PCDHGA9: variants seen among roughly 807,000 people sequenced by gnomAD.
PCDHGA9 encodes the protein protocadherin gamma subfamily A, 9, also known as protocadherin gamma-A9.
A neutral mutation model predicts 62.5 loss-of-function variants in PCDHGA9; 37 were observed. That is an observed-to-expected ratio of 0.59 (90% CI 0.46 to 0.78). The LOEUF (loss-of-function observed/expected upper bound fraction) is 0.78. PCDHGA9 is among the 30% of genes least tolerant of loss of function. PCDHGA9 has a pLI of 0.00. For synonymous variants in PCDHGA9, 459 were observed against 484.6 expected (o/e 0.95, Z 0.69); for missense variants, 1,138 against 1,166.2 (o/e 0.98, Z 0.35).
At chr5:141,443,131 A>C (rs1042010214) in intron 1 of PCDHGA9, among the ~76,000 whole-genome samples, 2 of 152,144 alleles carry the variant, frequency 1.3e-5, no homozygotes, top group African/African-American at 4.8e-5. Flanking sequence ...GATTAAGAAC[A>C]CTATCATAAG....
In PCDHGA9 at chr5:141,433,040, A is replaced by ACGGACT. The variant is rs753119003; in HGVS notation, c.2424+27667_2424+27672dup. The ACGGACT allele has an allele frequency of 8.1e-6, 13 of 1,614,088 alleles. No homozygotes were observed. In the African/African-American group the frequency reaches 1.7e-4, roughly 22 times the overall value. On this transcript the variant is annotated intron_variant, in intron 1 of 3. Transcript: ENST00000573521. ...CTATTCCCACGAGGTTTCCCTCACC[A>ACGGACT]CGGACTCGCGGAAGAGTCACCTGAT...
intron 2 of PCDHGA9, among the ~76,000 whole-genome samples, chr5:141,498,956 A>G (rs547381859): frequency 2.4e-5 from 3 of 124,058 alleles, no homozygotes; most frequent in African/African-American, 6.3e-5. Context: ...AAAAAGAGAG[A>G]GAGGGAGGGA....
In PCDHGA9 at chr5:141,487,519, T is replaced by C. The variant is rs1288070159; in HGVS notation, c.2425-7288T>C. The C allele has an allele frequency of 6.2e-7, 1 of 1,614,046 alleles. No individual in the cohort carries two copies. ...CCTTGGCTTCTGCACCCACTCGGAG[T>C]GATAGCTTCATGATGGTGAAGTCAC... On this transcript the variant is annotated intron_variant, in intron 1 of 3. Transcript: ENST00000573521. The surrounding 1 kb of genome is among the most constrained non-coding windows in gnomAD (Gnocchi z 5.0).
In PCDHGA9 at chr5:141,511,074, C is replaced by G; in HGVS notation, c.2700C>G (p.Ser900Arg). 1.2e-6 allele frequency: 2 copies of G among 1,614,238 alleles called. No homozygotes were observed. The highest frequency in any genetic ancestry group is 1.7e-6 in the Non-Finnish European group (2 of 1,180,040). ...GCCAGAATGTCTACATCCCAGGCAGCAATGCCACACTGACCAACGCAGCTG... is the reference window on the plus strand; with the variant it reads ...GCCAGAATGTCTACATCCCAGGCAGGAATGCCACACTGACCAACGCAGCTG... The part of the protein sequence containing the change: ...DYRQNVYIPG[S>R]NATLTNAAGK... Residue 900 changes from serine (S) to arginine (R), a missense_variant, in exon 4 of 4, where the codon AGC becomes AGG. Coordinates refer to ENST00000573521, the MANE Select transcript of PCDHGA9 (RefSeq NM_018921.3).
intron 1 of PCDHGA9, among the ~76,000 whole-genome samples, chr5:141,473,329 G>A (rs2099319416): frequency 6.6e-6 from 1 of 152,212 alleles, no homozygotes; most frequent in Non-Finnish European, 1.5e-5. Context: ...TTAAGTGCCT[G>A]CTGTGCTAGA....
At chr5:141,421,587 G>T (rs758433133) in intron 1 of PCDHGA9, 6 of 1,613,900 alleles carry the variant, frequency 3.7e-6, no homozygotes, top group Non-Finnish European at 4.2e-6. Flanking sequence ...TTTACGGAGT[G>T]GAGGTGGAAA....
At chr5:141,445,963 A>G (rs2098483291) in intron 1 of PCDHGA9, among the ~76,000 whole-genome samples, 2 of 152,342 alleles carry the variant, frequency 1.3e-5, no homozygotes, top group South Asian at 2.1e-4. Flanking sequence ...TATATGGAGA[A>G]TTGATTTATG....
intron 1 of PCDHGA9, chr5:141,433,358 C>CCTATCTATCTATCTATCTATCTAT: frequency 9.9e-6 from 5 of 503,368 alleles, no homozygotes; most frequent in South Asian, 2.6e-5. Flanking sequence ...CTACTGTCTG[C>CCTATCTATCTATCTATCTATCTAT]CTATCTATCT....
chr5:141,483,168 C>A (rs750259590), intron 1 of PCDHGA9, among the ~76,000 whole-genome samples: 3 of 152,104 alleles, frequency 2.0e-5, no homozygotes, highest in Non-Finnish European at 4.4e-5. Context: ...CCTGAGTTAC[C>A]TTTGGGCCAA....
chr5:141,422,314 C>G (rs1207977453), intron 1 of PCDHGA9: 2 of 1,547,838 alleles, frequency 1.3e-6, no homozygotes, highest in Non-Finnish European at 1.7e-6. Context: ...AAACTCTCCT[C>G]CAGGTACAGT....
intron 2 of PCDHGA9, among the ~76,000 whole-genome samples, chr5:141,497,879 G>A (rs62379207): frequency 4.6e-4 from 70 of 152,244 alleles, no homozygotes; most frequent in Non-Finnish European, 8.2e-4. Flanking sequence ...TGAAATAAGC[G>A]TTAGGATCTA....
intron 1 of PCDHGA9, among the ~76,000 whole-genome samples, chr5:141,444,241 G>A (rs1302797543): frequency 3.1e-5 from 4 of 130,308 alleles, no homozygotes; most frequent in Admixed American, 1.9e-4. Flanking sequence ...GCATGCTCTC[G>A]GCTCACTGCA....
intron 1 of PCDHGA9, chr5:141,421,488 G>C: frequency 3.1e-6 from 5 of 1,614,100 alleles, no homozygotes; most frequent in Non-Finnish European, 4.2e-6. Flanking sequence ...GCTTGATCAC[G>C]GCAGGCAGGA....
intron 1 of PCDHGA9, among the ~76,000 whole-genome samples, chr5:141,447,895 G>A (rs931589569): frequency 1.3e-5 from 2 of 152,068 alleles, no homozygotes; most frequent in Non-Finnish European, 2.9e-5. Context: ...AGACCAGCCT[G>A]GCCAACATGG....
In PCDHGA9 at chr5:141,476,499, TC is replaced by T; in HGVS notation, c.2425-18307del. 1 of 1,614,110 alleles carries T rather than the reference TC, an allele frequency of 6.2e-7. No individual in the cohort carries two copies. Among genetic ancestry groups the T allele is most frequent in the Non-Finnish European group, 8.5e-7 (1 of 1,180,020 alleles). ...AGCGTGGAAGTGGTGATCCAGGACATCAACGACAACAATCCTGCTTTCCCTA... is the reference window on the plus strand; with the variant it reads ...AGCGTGGAAGTGGTGATCCAGGACATAACGACAACAATCCTGCTTTCCCTA... On this transcript the variant is annotated intron_variant, in intron 1 of 3. Transcript: ENST00000573521. The surrounding 1 kb of genome is among the most constrained non-coding windows in gnomAD (Gnocchi z 7.6).
In PCDHGA9 at chr5:141,431,570, G is replaced by A. The variant is rs754760314; in HGVS notation, c.2424+26194G>A. 7 of 1,614,172 alleles carry A rather than the reference G, an allele frequency of 4.3e-6. No individual in the cohort carries two copies. Among genetic ancestry groups the A allele is most frequent in the Non-Finnish European group, 5.9e-6 (7 of 1,180,024 alleles). ...TGTAGTCAACGCTACCGACCCTGAC[G>A]AAGGAGTCAATGCGGAAGTGAGGTA... On this transcript the variant is annotated intron_variant, in intron 1 of 3. Transcript: ENST00000573521. The surrounding 1 kb of genome is among the most constrained non-coding windows in gnomAD (Gnocchi z 4.8).
intron 1 of PCDHGA9, among the ~76,000 whole-genome samples, chr5:141,446,182 G>A (rs1411996595): frequency 6.6e-6 from 1 of 152,118 alleles, no homozygotes; most frequent in African/African-American, 2.4e-5. Flanking sequence ...GGGGTGTTTT[G>A]TTTATTATTA....
intron 1 of PCDHGA9, among the ~76,000 whole-genome samples, chr5:141,474,029 C>T (rs1047673843): frequency 6.6e-6 from 1 of 152,092 alleles, no homozygotes; most frequent in Non-Finnish European, 1.5e-5. Context: ...ATGATTATTC[C>T]ACTGTACTCC....
rs543116266 is a variant in PCDHGA9 at position 141,474,428 on chromosome 5, C to A, written c.2425-20379C>A. 3.9e-5 allele frequency among the ~76,000 whole-genome samples: 6 copies of A among 152,346 alleles called. 1 individual carries two copies. In the South Asian group the frequency reaches 1.0e-3, roughly 26 times the overall value. On this transcript the variant is annotated intron_variant, in intron 1 of 3. Coordinates refer to ENST00000573521, the MANE Select transcript of PCDHGA9 (RefSeq NM_018921.3). ...CGGTGATGCCTAGACCATTGGTCCT[C>A]ACACTTTGAGTAGCAAGTGATTGGG...
Sources: gnomAD v4.1 joint callset for allele counts (sites outside exome capture counted in the v4.1 genomes callset) on GRCh38, gnomAD v4.1.1 for gene constraint, Gnocchi (gnomAD v3.1) non-coding constraint, MANE v1.5 for transcripts, NCBI Gene and HGNC (gene_info 2026-07-23, HGNC 2026-07-21) for gene names.